Variants in GRIP2 observed in about 807,000 individuals in gnomAD.
The protein encoded by GRIP2 is glutamate receptor-interacting protein 2.
GRIP2 carries 58 observed loss-of-function variants against 108.3 expected under a neutral mutation model. That is an observed-to-expected ratio of 0.54 (90% CI 0.43 to 0.67). The LOEUF (loss-of-function observed/expected upper bound fraction) is 0.67. GRIP2 is among the 30% of genes least tolerant of loss of function. The pLI is 0.00. For synonymous variants in GRIP2, 586 were observed against 598.2 expected, an observed-to-expected ratio of 0.98 and a Z score of 0.30; for missense variants, 1,278 against 1,430.6, an observed-to-expected ratio of 0.89 and a Z score of 1.72.
In GRIP2 at chr3:14,507,415, T is replaced by C; in HGVS notation, c.2218+146A>G. The C allele has an allele frequency of 1.0e-6, 1 of 998,500 alleles. No homozygotes were observed. The highest frequency in any genetic ancestry group is 1.5e-6 in the Non-Finnish European group (1 of 677,900). The allele number at this position is 998,500 out of a possible 1,614,324, so 61.9% of individuals were successfully genotyped here. On this transcript the variant is annotated intron_variant, in intron 18 of 23. Coordinates refer to ENST00000621039, the MANE Select transcript of GRIP2 (RefSeq NM_001080423.4). This position sits in a 1 kb window ranked among gnomAD's most constrained non-coding sequence, Gnocchi z 4.6. ...GCCCTGGGCTCATCACTTCCCTCTC[T>C]GAGTCTTATCTTCTTTGCCATCGCA... is the stretch of plus-strand genomic sequence containing the variant.
chr3:14,564,026 AG>A, the GRIP2 span, among the ~76,000 whole-genome samples: 360 of 152,320 alleles, frequency 2.4e-3, 1 homozygote, highest in African/African-American at 8.4e-3. Context: ...CAGGAAGCAG[AG>A]GAAGCAGCCC....
In GRIP2 at chr3:14,512,806, C is replaced by A; in HGVS notation, c.1691G>T (p.Arg564Leu). 1.2e-6 allele frequency: 2 copies of A among 1,613,660 alleles called. No homozygotes were observed. Among genetic ancestry groups the A allele is most frequent in the Non-Finnish European group, 1.7e-6 (2 of 1,179,862 alleles). ...GATGGTGATGCCCAGCTCCACGCTG[C>A]GCTTCTTGGGCAGCTTCACGTGGAA... is the stretch of plus-strand genomic sequence containing the variant. The part of the protein sequence containing the change: ...GTFHVKLPKK[R>L]SVELGITISS... The change falls in exon 14 of 24, where the codon CGC becomes CTC. Residue 564 changes from arginine (R) to leucine (L), a missense_variant. Transcript: ENST00000621039. This position sits in a 1 kb window ranked among gnomAD's most constrained non-coding sequence, Gnocchi z 5.1.
intron 13 of GRIP2, 26 bp downstream of exon 13, chr3:14,513,639 G>A (rs768758900): frequency 1.3e-6 from 2 of 1,588,802 alleles, no homozygotes; most frequent in African/African-American, 1.3e-5. Flanking sequence ...TGAAATATGA[G>A]GAGGAAGCTT....
chr3:14,551,189 C>G (rs1252048344), intron 1 of GRIP2, among the ~76,000 whole-genome samples: 3 of 152,148 alleles, frequency 2.0e-5, no homozygotes, highest in African/African-American at 7.2e-5. Context: ...ATCTGACTAT[C>G]TCCCCAGTGG....
chr3:14,521,766 G>C lies in GRIP2; in HGVS notation c.588C>G (p.Gly196=), dbSNP rs774000698. ...PADREGSLKV[G]DRLLSVDGIP... ...TTCCATCGACACTGAGCAGCCTGTCGCCCACCTTCAGGGAGCCCTCCCTGT... is the reference window on the plus strand; with the variant it reads ...TTCCATCGACACTGAGCAGCCTGTCCCCCACCTTCAGGGAGCCCTCCCTGT... Residue 196 remains glycine, a synonymous_variant, in exon 7 of 24, where the codon GGC becomes GGG. Coordinates refer to ENST00000621039, the MANE Select transcript of GRIP2 (RefSeq NM_001080423.4). This position sits in a 1 kb window ranked among gnomAD's most constrained non-coding sequence, Gnocchi z 5.1. The C allele has an allele frequency of 5.0e-6, 8 of 1,603,960 alleles. No homozygotes were observed. The highest frequency in any genetic ancestry group is 6.8e-6 in the Non-Finnish European group (8 of 1,175,942).
In GRIP2 at chr3:14,507,101, C is replaced by A; in HGVS notation, c.2219-121G>T. 1 of 922,230 alleles carries A rather than the reference C, an allele frequency of 1.1e-6. No individual in the cohort carries two copies. Among genetic ancestry groups the A allele is most frequent in the Non-Finnish European group, 1.6e-6 (1 of 613,906 alleles). The allele number at this position is 922,230 out of a possible 1,614,324, so 57.1% of individuals were successfully genotyped here. On this transcript the variant is annotated intron_variant, in intron 18 of 23. Coordinates refer to ENST00000621039, the MANE Select transcript of GRIP2 (RefSeq NM_001080423.4). The surrounding 1 kb of genome is among the most constrained non-coding windows in gnomAD (Gnocchi z 4.6). ...TAAGCCCTTCTGAGCTGACATATGA[C>A]CATGGCACACTAATAAGCAAACCTG...
intron 1 of GRIP2, among the ~76,000 whole-genome samples, chr3:14,538,906 A>G (rs113772621): frequency 1.1e-3 from 161 of 152,194 alleles, no homozygotes; most frequent in African/African-American, 3.8e-3. Flanking sequence ...GGAGGGGGAG[A>G]CACCTCCCTG....
chr3:14,581,873 T>C, the GRIP2 span, among the ~76,000 whole-genome samples: 1 of 152,186 alleles, frequency 6.6e-6, no homozygotes, highest in Non-Finnish European at 1.5e-5. Context: ...GAACAGGTGG[T>C]TGTGGCTCAG....
chr3:14,523,813 G>T, intron 4 of GRIP2, 115 bp from the exon 5 acceptor site: 2 of 737,718 alleles, frequency 2.7e-6, no homozygotes, highest in Non-Finnish European at 4.7e-6. Flanking sequence ...TTACAGGGAG[G>T]GTAAACCCTT....
At chr3:14,543,962 C>T (rs757225875), upstream of GRIP2, among the ~76,000 whole-genome samples, 16 of 152,208 alleles carry the variant, frequency 1.1e-4, no homozygotes, top group Non-Finnish European at 2.2e-4. Context: ...GTTGGGAAGA[C>T]CACGTATTAA....
Position 14,493,695 on chromosome 3 carries a change from C to T in GRIP2, c.3102G>A (p.Ser1034=), listed in dbSNP as rs375963902. The T allele has an allele frequency of 1.1e-4, 169 of 1,607,086 alleles. 1 individual carries two copies. The South Asian group carries it at 1.6e-3, about 15-fold the overall frequency. ...GCATCCGGGGACTGCTGGGGCCTGGCGATCGGGGGGCCCGGCTGCTGTGTG... is the reference window on the plus strand; with the variant it reads ...GCATCCGGGGACTGCTGGGGCCTGGTGATCGGGGGGCCCGGCTGCTGTGTG... The part of the protein sequence containing the change: ...HTAHSSRAPR[S]PGPSSPRML Residue 1034 remains serine (S), a synonymous_variant, in exon 24 of 24, where the codon TCG becomes TCA. Coordinates refer to ENST00000621039, the MANE Select transcript of GRIP2 (RefSeq NM_001080423.4).
chr3:14,542,847 G>A (rs1460093670), upstream of GRIP2, among the ~76,000 whole-genome samples: 1 of 152,216 alleles, frequency 6.6e-6, no homozygotes, highest in Non-Finnish European at 1.5e-5. Flanking sequence ...GCACAGAGAG[G>A]TTAAGCAACT....
intron 21 of GRIP2, among the ~76,000 whole-genome samples, chr3:14,498,907 C>A (rs529187074): frequency 8.5e-5 from 13 of 152,294 alleles, no homozygotes; most frequent in African/African-American, 3.1e-4. Context: ...TGGAAGGTAA[C>A]AACGAGACAT....
the GRIP2 span, chr3:14,572,897 G>T: frequency 1.6e-6 from 2 of 1,271,552 alleles, no homozygotes; most frequent in African/African-American, 1.5e-5. Flanking sequence ...AATTATCAGT[G>T]AAGGGGATGC....
rs959412173 is a variant in GRIP2 at position 14,491,218 on chromosome 3, C to T, written c.*2447G>A. 2 of 152,130 alleles carry T rather than the reference C, an allele frequency of 1.3e-5. No homozygotes were observed. Among genetic ancestry groups the T allele is most frequent in the African/African-American group, 4.8e-5 (2 of 41,422 alleles). The allele number at this position is 152,130 out of a possible 1,614,324, so 9.4% of individuals were successfully genotyped here. A position where few individuals can be genotyped will look rare whatever the true frequency, so the allele number is the denominator to read the frequency against. ...AAAATCATCCCCATGGCACCTACCC[C>T]CAAGCCACTGCAACCCCTGGTGGGA... On this transcript the variant is annotated 3_prime_UTR_variant, in exon 24 of 24. Coordinates refer to ENST00000621039, the MANE Select transcript of GRIP2 (RefSeq NM_001080423.4).
At chr3:14,592,848 A>G in the GRIP2 span, among the ~76,000 whole-genome samples, 1 of 152,100 alleles carries the variant, frequency 6.6e-6, no homozygotes, top group Non-Finnish European at 1.5e-5. Context: ...CCAGAGCAAA[A>G]ACATGGAGCC....
chr3:14,555,078 T>TC (rs1201815858), intron 1 of GRIP2, among the ~76,000 whole-genome samples: 8 of 151,702 alleles, frequency 5.3e-5, no homozygotes, highest in African/African-American at 1.7e-4. Flanking sequence ...CTCCAGCTCC[T>TC]CCCCACCCCC....
At chr3:14,537,024 G>A (rs1291673804) in intron 1 of GRIP2, among the ~76,000 whole-genome samples, 1 of 152,208 alleles carries the variant, frequency 6.6e-6, no homozygotes, top group Non-Finnish European at 1.5e-5. Flanking sequence ...ACTGAGGCAT[G>A]GAGATGCTAA....
At chr3:14,517,528 G>T (rs77873112) in intron 10 of GRIP2, among the ~76,000 whole-genome samples, 9 of 121,670 alleles carry the variant, frequency 7.4e-5, no homozygotes, top group Non-Finnish European at 9.7e-5. Flanking sequence ...TTTAGTTGAG[G>T]TCTCGCTCTG....
Sources: allele counts gnomAD v4.1 joint callset (sites outside exome capture counted in the v4.1 genomes callset), GRCh38; gene constraint gnomAD v4.1.1; non-coding constraint Gnocchi (gnomAD v3.1); transcripts MANE v1.5; gene names NCBI Gene and HGNC (gene_info 2026-07-23, HGNC 2026-07-21).